Variants in NRXN1 observed in about 807,000 individuals in gnomAD.
NRXN1 encodes neurexin 1.
A neutral mutation model predicts 150.9 loss-of-function variants in NRXN1; 39 were observed. The observed-to-expected ratio is 0.26, with a 90% CI of 0.20 to 0.34. The LOEUF (loss-of-function observed/expected upper bound fraction) is 0.34. Ranked by LOEUF, NRXN1 falls within the 10% of genes least tolerant of loss-of-function variation. NRXN1 has a pLI of 1.00. For missense variants in NRXN1, 1,815 were observed against 1,949.9 expected (o/e 0.93, Z 1.30); for synonymous variants, 924 against 757.0 (o/e 1.22, Z -3.62).
intron 5 of NRXN1, among the ~76,000 whole-genome samples, chr2:50,860,909 T>G (rs1242642926): frequency 6.6e-6 from 1 of 152,112 alleles, no homozygotes; most frequent in Non-Finnish European, 1.5e-5. Flanking sequence ...CTTTGATGTT[T>G]CATAGTATCT....
chr2:50,351,521 T>C (rs1034045339), intron 17 of NRXN1, among the ~76,000 whole-genome samples: 2 of 152,144 alleles, frequency 1.3e-5, no homozygotes, highest in Admixed American at 6.5e-5. Flanking sequence ...TTTGTGAAAT[T>C]ATTAATAGGC....
At position 49,921,328 on chromosome 2, in the gene NRXN1, T is replaced by A. The variant is rs1469186202; in HGVS notation, c.*616A>T. On this transcript the variant is annotated 3_prime_UTR_variant, in exon 23 of 23. Coordinates refer to ENST00000401669, the MANE Select transcript of NRXN1 (RefSeq NM_001330078.2). ...CACATTTTTGAAAATAAGGCCTCCA[T>A]ACTTTTTTTTCCTCTCTCACAACCA... is the stretch of plus-strand genomic sequence containing the variant. The A allele has an allele frequency of 6.6e-6, 1 of 152,624 alleles. No individual in the cohort carries two copies. The highest frequency in any genetic ancestry group is 1.5e-5 in the Non-Finnish European group (1 of 68,046). 9.5% of individuals were successfully genotyped at this position (152,624 alleles called of 1,614,324 possible).
At chr2:50,816,722 G>C (rs1376408280) in intron 5 of NRXN1, among the ~76,000 whole-genome samples, 1 of 152,078 alleles carries the variant, frequency 6.6e-6, no homozygotes, top group Admixed American at 6.6e-5. Flanking sequence ...TTCTGGCCCT[G>C]ATGCAGTTAA....
intron 17 of NRXN1, among the ~76,000 whole-genome samples, chr2:50,256,985 G>A (rs1425256865): frequency 2.6e-5 from 4 of 152,040 alleles, no homozygotes; most frequent in Non-Finnish European, 5.9e-5. Flanking sequence ...TGAGAGATGA[G>A]TATTTCTGGG....
At chr2:50,514,734 T>C (rs2092574608) in intron 12 of NRXN1, among the ~76,000 whole-genome samples, 1 of 152,206 alleles carries the variant, frequency 6.6e-6, no homozygotes, top group Admixed American at 6.5e-5. Flanking sequence ...TTGAGAGCTA[T>C]AGTGTTCAAG....
At chr2:50,881,160 GTCC>G (rs1679368403) in intron 5 of NRXN1, among the ~76,000 whole-genome samples, 1 of 151,920 alleles carries the variant, frequency 6.6e-6, no homozygotes, top group Non-Finnish European at 1.5e-5. Flanking sequence ...CAATGTAAGA[GTCC>G]TCCTCTCTGC....
intron 8 of NRXN1, among the ~76,000 whole-genome samples, chr2:50,556,590 T>C (rs1412909209): frequency 6.6e-6 from 1 of 152,032 alleles, no homozygotes; most frequent in African/African-American, 2.4e-5. Context: ...CTTCAAATAT[T>C]TGTTAGAATT....
At chr2:50,215,408 C>A (rs2063327475) in intron 18 of NRXN1, among the ~76,000 whole-genome samples, 1 of 151,940 alleles carries the variant, frequency 6.6e-6, no homozygotes, top group South Asian at 2.1e-4. Context: ...TTAACATGAC[C>A]TGCTACCAAG....
intron 2 of NRXN1, among the ~76,000 whole-genome samples, chr2:50,945,516 T>C (rs551522491): frequency 5.7e-5 from 3 of 52,556 alleles, no homozygotes; most frequent in Admixed American, 3.8e-4. Flanking sequence ...CTCTCTCTCT[T>C]ACTATATATA....
intron 17 of NRXN1, among the ~76,000 whole-genome samples, chr2:50,340,624 G>T (rs750976187): frequency 6.6e-6 from 1 of 151,928 alleles, no homozygotes; most frequent in Non-Finnish European, 1.5e-5. Flanking sequence ...CCTGGGAAAA[G>T]ACAACAAGAC....
Position 50,829,493 on chromosome 2 carries a change from G to T in NRXN1, c.832+92376C>A, listed in dbSNP as rs550328487. On this transcript the variant is annotated intron_variant, in intron 5 of 22. Coordinates refer to ENST00000401669, the MANE Select transcript of NRXN1 (RefSeq NM_001330078.2). ...GGAGGGAGCCTATAATAATGAGAAA[G>T]GCGCGAATCAAAAACAGCACAGTGG... The T allele has an allele frequency of 1.4e-3, 2,165 of 1,591,394 alleles. 3 individuals carry two copies. The highest frequency in any genetic ancestry group is 1.8e-3 in the Non-Finnish European group (2,070 of 1,161,262).
At chr2:51,012,410 T>A (rs1280439212) in intron 2 of NRXN1, among the ~76,000 whole-genome samples, 1 of 152,050 alleles carries the variant, frequency 6.6e-6, no homozygotes, top group Non-Finnish European at 1.5e-5. Context: ...AGGTATACCA[T>A]TGGACTTGCA....
At chr2:50,951,600 C>CA (rs956428259) in intron 2 of NRXN1, among the ~76,000 whole-genome samples, 6 of 150,100 alleles carry the variant, frequency 4.0e-5, no homozygotes, top group South Asian at 2.1e-4. Context: ...CTCACTATTT[C>CA]AAAAAAAAAT....
intron 18 of NRXN1, among the ~76,000 whole-genome samples, chr2:50,177,014 C>A (rs2060395282): frequency 6.6e-6 from 1 of 152,102 alleles, no homozygotes; most frequent in South Asian, 2.1e-4. Context: ...ATTATCATTT[C>A]AAAGCAATTT....
rs1701822115 is a variant in NRXN1, at chr2:50,107,520, C to CACAT, written c.3547-16027_3547-16026insATGT. On this transcript the variant is annotated intron_variant, in intron 18 of 22. Coordinates refer to ENST00000401669, the MANE Select transcript of NRXN1 (RefSeq NM_001330078.2). ...TTGTCACATGCTACATTCCAGACTA[C>CACAT]ATATATATATATATATATATTTTTT... 2.2e-5 allele frequency among the ~76,000 whole-genome samples: 3 copies of CACAT among 136,070 alleles called. No individual in the cohort carries two copies. The South Asian group carries it at 6.8e-4, about 31-fold the overall frequency. 89.3% of individuals were successfully genotyped at this position (136,070 alleles called of 152,430 possible). A position where few individuals can be genotyped will look rare whatever the true frequency, so the allele number is the denominator to read the frequency against.
intron 5 of NRXN1, among the ~76,000 whole-genome samples, chr2:50,748,766 G>C (rs899683199): frequency 5.3e-5 from 8 of 151,988 alleles, no homozygotes; most frequent in Non-Finnish European, 1.0e-4. Flanking sequence ...AATTCCTGTA[G>C]GGCAATCAAA....
At chr2:50,147,865 T>C (rs923862957) in intron 18 of NRXN1, among the ~76,000 whole-genome samples, 2 of 151,762 alleles carry the variant, frequency 1.3e-5, no homozygotes, top group South Asian at 2.1e-4. Flanking sequence ...TCAGACTATA[T>C]TGCTGAAGCC....
intron 18 of NRXN1, among the ~76,000 whole-genome samples, chr2:50,198,745 A>G (rs2061939022): frequency 6.6e-6 from 1 of 152,144 alleles, no homozygotes; most frequent in Non-Finnish European, 1.5e-5. Flanking sequence ...AGTATGGATC[A>G]GGCTAAAATA....
chr2:51,027,589 G>T lies in NRXN1; in HGVS notation c.685C>A (p.Leu229Ile), dbSNP rs751232467. 6.2e-7 allele frequency: 1 copy of T among 1,606,994 alleles called. No individual in the cohort carries two copies. Among genetic ancestry groups the T allele is most frequent in the South Asian group, 1.1e-5 (1 of 90,262 alleles). The change falls in exon 2 of 23, where the codon CTC becomes ATC. Residue 229 changes from leucine (L) to isoleucine (I), a missense_variant. By Grantham distance (5) the Leu-to-Ile change is conservative (BLOSUM62 2). Around this residue, in one of 6 missense-constraint regions of NRXN1, gnomAD observed 554 missense variants for 478.8 expected, o/e 1.16. Coordinates refer to ENST00000401669, the MANE Select transcript of NRXN1 (RefSeq NM_001330078.2). ...ACCACGGAGCACACACCTCCGTTGA[G>T]GCACACCCCGCCCTCGCCCTCCTCG... ...AGEEGEGGVC[L>I]NGGVCSVVDD...
Sources: allele counts gnomAD v4.1 joint callset (sites outside exome capture counted in the v4.1 genomes callset), GRCh38; gene constraint gnomAD v4.1.1; regional missense constraint gnomAD v4.1.1; transcripts MANE v1.5; gene names NCBI Gene and HGNC (gene_info 2026-07-23, HGNC 2026-07-21).